The following MKLN1 variants were observed in gnomAD, a reference collection of about 807,000 sequenced individuals.
The protein encoded by MKLN1 is muskelin.
A neutral mutation model predicts 99.0 loss-of-function variants in MKLN1; 18 were observed. The observed-to-expected ratio is 0.18, with a 90% CI of 0.13 to 0.27. MKLN1 has a LOEUF of 0.27. Ranked by LOEUF, MKLN1 falls within the 10% of genes least tolerant of loss-of-function variation. The pLI, the probability that MKLN1 is intolerant of heterozygous loss-of-function variation, is 1.00. For missense variants in MKLN1, 621 were observed against 875.9 expected (o/e 0.71, Z 3.67); for synonymous variants, 288 against 293.2 (o/e 0.98, Z 0.18).
intron 9 of MKLN1, among the ~76,000 whole-genome samples, chr7:131,431,636 A>G (rs935826184): frequency 1.3e-5 from 2 of 152,210 alleles, no homozygotes; most frequent in African/African-American, 2.4e-5. Flanking sequence ...GCAAAAAGCA[A>G]TCATGTAACC....
In MKLN1 at chr7:131,429,226, T is replaced by C. The variant is rs1430156450; in HGVS notation, c.960+81T>C. ...TTGTTTTTCGGCATGATTATATTCT[T>C]CACTAATGTCTGTCAGCAGTAGTAG... On this transcript the variant is annotated intron_variant, in intron 9 of 17. Transcript: ENST00000352689. The C allele has an allele frequency of 3.4e-6, 3 of 891,278 alleles. No homozygotes were observed. In the African/African-American group the frequency reaches 5.1e-5, roughly 15 times the overall value. The allele number at this position is 891,278 out of a possible 1,614,324, so 55.2% of individuals were successfully genotyped here.
intron 3 of MKLN1, among the ~76,000 whole-genome samples, chr7:131,296,047 TG>T (rs1485228720): frequency 6.6e-6 from 1 of 152,202 alleles, no homozygotes; most frequent in African/African-American, 2.4e-5. Flanking sequence ...AAACTTACAC[TG>T]TCGATGAATA....
intron 3 of MKLN1, among the ~76,000 whole-genome samples, chr7:131,282,167 T>C (rs970215518): frequency 6.6e-6 from 1 of 151,584 alleles, no homozygotes; most frequent in Non-Finnish European, 1.5e-5. Context: ...CTGACCAACA[T>C]GGAGAAACTT....
intron 3 of MKLN1, among the ~76,000 whole-genome samples, chr7:131,293,971 T>G (rs1798255997): frequency 6.6e-6 from 1 of 152,058 alleles, no homozygotes; most frequent in Non-Finnish European, 1.5e-5. Context: ...ATTCAGGCTC[T>G]TTAGCAGGCA....
At chr7:131,351,636 A>G (rs1430661381) in intron 1 of MKLN1, among the ~76,000 whole-genome samples, 1 of 149,124 alleles carries the variant, frequency 6.7e-6, no homozygotes, top group Non-Finnish European at 1.5e-5. Context: ...TCATTTTTAA[A>G]TTTTTTTTTT....
At chr7:131,445,052 G>A (rs1435466953) in intron 11 of MKLN1, among the ~76,000 whole-genome samples, 19 of 152,212 alleles carry the variant, frequency 1.2e-4, no homozygotes, top group Non-Finnish European at 2.1e-4. Flanking sequence ...GAATCACTGA[G>A]TGCTGTTTAA....
At chr7:131,217,444 T>A (rs1314641252) in intron 3 of MKLN1, among the ~76,000 whole-genome samples, 1 of 152,190 alleles carries the variant, frequency 6.6e-6, no homozygotes, top group Non-Finnish European at 1.5e-5. Flanking sequence ...ACGCCTGTAA[T>A]CCCAACAGTT....
At chr7:131,472,012 A>T (rs985153494) in intron 16 of MKLN1, 1 of 152,186 alleles carries the variant, frequency 6.6e-6, no homozygotes, top group Admixed American at 6.5e-5. Context: ...ATGCTTTAGA[A>T]CCCCCATGAA....
chr7:131,168,156 T>G (rs1344200449), intron 2 of MKLN1, among the ~76,000 whole-genome samples: 2 of 152,220 alleles, frequency 1.3e-5, no homozygotes, highest in African/African-American at 4.8e-5. Flanking sequence ...CTGTTACAAC[T>G]AACTCACCAC....
chr7:131,241,199 G>A (rs917345643), intron 3 of MKLN1, among the ~76,000 whole-genome samples: 1 of 151,932 alleles, frequency 6.6e-6, no homozygotes, highest in Non-Finnish European at 1.5e-5. Context: ...CCAACATGGT[G>A]AAACCCTGTC....
intron 2 of MKLN1, among the ~76,000 whole-genome samples, chr7:131,170,461 A>C (rs10259386): frequency 0.11 from 16,127 of 152,244 alleles, 906 homozygotes; most frequent in Middle Eastern, 0.13. Context: ...AAAAGGAAAA[A>C]TGAAAGGCCT....
intron 9 of MKLN1, 95 bp downstream of exon 9, chr7:131,429,240 C>A: frequency 1.3e-6 from 1 of 748,560 alleles, no homozygotes; most frequent in South Asian, 2.3e-5. Flanking sequence ...TAATGTCTGT[C>A]AGCAGTAGTA....
At chr7:131,413,460 T>G (rs1465004780) in intron 7 of MKLN1, among the ~76,000 whole-genome samples, 9 of 152,134 alleles carry the variant, frequency 5.9e-5, no homozygotes, top group Non-Finnish European at 1.3e-4. Flanking sequence ...AGGAGAATTA[T>G]GAAGAAAGCC....
intron 3 of MKLN1, among the ~76,000 whole-genome samples, chr7:131,284,780 G>A (rs1798108051): frequency 6.6e-6 from 1 of 152,324 alleles, no homozygotes; most frequent in South Asian, 2.1e-4. Context: ...AGCCCGCTGG[G>A]TGGTGTCACT....
chr7:131,448,367 C>T (rs1796078683), intron 12 of MKLN1, among the ~76,000 whole-genome samples: 1 of 152,090 alleles, frequency 6.6e-6, no homozygotes, highest in Non-Finnish European at 1.5e-5. Context: ...TGTACAGTAT[C>T]GACAATTATT....
At chr7:131,345,352 G>A (rs1799527787) in intron 1 of MKLN1, among the ~76,000 whole-genome samples, 1 of 152,198 alleles carries the variant, frequency 6.6e-6, no homozygotes, top group Non-Finnish European at 1.5e-5. Context: ...ATGCTCCCAT[G>A]AGCATTTCCT....
At chr7:131,220,757 A>G (rs945669842) in intron 3 of MKLN1, among the ~76,000 whole-genome samples, 3 of 152,206 alleles carry the variant, frequency 2.0e-5, no homozygotes, top group African/African-American at 7.2e-5. Context: ...ATCCTTAAAC[A>G]AAAGCCTTAT....
At chr7:131,144,886 A>C (rs1318322274) in intron 2 of MKLN1, among the ~76,000 whole-genome samples, 3 of 152,130 alleles carry the variant, frequency 2.0e-5, no homozygotes, top group Non-Finnish European at 4.4e-5. Context: ...CTGAAGCAGG[A>C]GAATCGCTTG....
intron 2 of MKLN1, among the ~76,000 whole-genome samples, chr7:131,198,497 A>C (rs1365385845): frequency 2.0e-5 from 3 of 152,242 alleles, no homozygotes; most frequent in Admixed American, 2.0e-4. Flanking sequence ...TAAATGTGAC[A>C]ACACAAAGAA....
Sources: gnomAD v4.1 joint callset for allele counts (sites outside exome capture counted in the v4.1 genomes callset) on GRCh38, gnomAD v4.1.1 for gene constraint, MANE v1.5 for transcripts, NCBI Gene and HGNC (gene_info 2026-07-23, HGNC 2026-07-21) for gene names.